Variants in RBFOX3 observed in about 807,000 individuals in gnomAD.
RBFOX3 encodes RNA binding fox-1 homolog 3.
In RBFOX3, 17 loss-of-function variants were observed where a neutral mutation model predicts 48.7. The ratio of observed to expected loss-of-function variants is 0.35; its 90% CI spans 0.24 to 0.52. The LOEUF (loss-of-function observed/expected upper bound fraction) is 0.52. RBFOX3 is among the 20% of genes least tolerant of loss of function. The pLI, the probability that RBFOX3 is intolerant of heterozygous loss-of-function variation, is 0.94. For missense variants in RBFOX3, 382 were observed against 497.5 expected (o/e 0.77, Z 2.21); for synonymous variants, 212 against 209.5 (o/e 1.01, Z -0.10).
chr17:79,559,753 A>G (rs2092074039), intron 1 of RBFOX3, among the ~76,000 whole-genome samples: 1 of 137,458 alleles, frequency 7.3e-6, no homozygotes, highest in African/African-American at 2.8e-5. Flanking sequence ...GGGTAGATGG[A>G]TGGATGGGTG....
chr17:79,325,003 G>A (rs1185928890), intron 2 of RBFOX3, among the ~76,000 whole-genome samples: 2 of 152,248 alleles, frequency 1.3e-5, no homozygotes, highest in East Asian at 3.9e-4. Context: ...AACTGCAGAA[G>A]TTTAGCGCAC....
chr17:79,320,654 G>T (rs961847968), intron 2 of RBFOX3, among the ~76,000 whole-genome samples: 8 of 152,002 alleles, frequency 5.3e-5, no homozygotes, highest in Non-Finnish European at 1.0e-4. Context: ...CCCACATTCT[G>T]TTTGGAGAGT....
intron 4 of RBFOX3, among the ~76,000 whole-genome samples, chr17:79,180,464 T>C (rs1473213356): frequency 4.6e-5 from 7 of 152,216 alleles, no homozygotes; most frequent in African/African-American, 1.7e-4. Flanking sequence ...ATGTACAGCC[T>C]ACATATGGTG....
rs375237912 is a variant in RBFOX3, at chr17:79,292,627, C to T, written c.-74+15097G>A. Among the ~76,000 whole-genome samples the T allele has an allele frequency of 6.0e-5, 9 of 151,094 alleles. No individual in the cohort carries two copies. The South Asian group carries it at 1.3e-3, about 21-fold the overall frequency. On this transcript the variant is annotated intron_variant, in intron 3 of 14. Transcript: ENST00000693108. ...ACACACACACACACATACATGCAGA[C>T]CCAGTGCACTGCCCTTAGAAGTGTT...
intron 1 of RBFOX3, among the ~76,000 whole-genome samples, chr17:79,553,061 G>T (rs2091303433): frequency 6.6e-6 from 1 of 152,214 alleles, no homozygotes; most frequent in Non-Finnish European, 1.5e-5. Context: ...AGTAGCAAGA[G>T]TAGGCATCCT....
At position 79,170,105 on chromosome 17, in the gene RBFOX3, A is replaced by G. The variant is rs547651476; in HGVS notation, c.-33-54357T>C. 2.8e-5 allele frequency among the ~76,000 whole-genome samples: 4 copies of G among 142,814 alleles called. No individual in the cohort carries two copies. In the South Asian group the frequency reaches 9.7e-4, roughly 35 times the overall value. The allele number at this position is 142,814 out of a possible 152,430, so 93.7% of individuals were successfully genotyped here. On this transcript the variant is annotated intron_variant, in intron 4 of 14. Transcript: ENST00000693108. ...GAAGGAAGGAAGGATGGAAAGCAGG[A>G]AAGGAGGAGGAAGGAAGGAAGGAAG...
chr17:79,231,363 C>A (rs1487643399), intron 4 of RBFOX3, among the ~76,000 whole-genome samples: 2 of 152,140 alleles, frequency 1.3e-5, no homozygotes, highest in African/African-American at 4.8e-5. Context: ...GTAGCTCAGT[C>A]CTCACTAGTC....
chr17:79,320,563 A>G (rs1250763244), intron 2 of RBFOX3, among the ~76,000 whole-genome samples: 1 of 152,190 alleles, frequency 6.6e-6, no homozygotes, highest in Non-Finnish European at 1.5e-5. Flanking sequence ...AACCCTGCCC[A>G]TATCTAACCA....
chr17:79,349,310 C>T (rs547142909), intron 2 of RBFOX3, among the ~76,000 whole-genome samples: 5 of 152,180 alleles, frequency 3.3e-5, no homozygotes, highest in East Asian at 3.9e-4. Flanking sequence ...TCTCACCACT[C>T]GCACTCCTCT....
At chr17:79,149,884 A>G (rs1169878503) in intron 4 of RBFOX3, among the ~76,000 whole-genome samples, 2 of 144,868 alleles carry the variant, frequency 1.4e-5, no homozygotes, top group African/African-American at 5.1e-5. Context: ...GCCTGGAGAC[A>G]GGAGGGGGAC....
chr17:79,503,029 G>T (rs1329954609), intron 1 of RBFOX3, among the ~76,000 whole-genome samples: 2 of 152,252 alleles, frequency 1.3e-5, no homozygotes, highest in African/African-American at 2.4e-5. Flanking sequence ...TCAGGGAGCA[G>T]CGTGGTCGGG....
At chr17:79,126,196 G>A (rs1393812941) in intron 4 of RBFOX3, among the ~76,000 whole-genome samples, 3 of 152,244 alleles carry the variant, frequency 2.0e-5, no homozygotes, top group East Asian at 1.9e-4. Flanking sequence ...GAACACAGAC[G>A]TGTGAAAGTC....
chr17:79,157,566 G>T (rs562230789), intron 4 of RBFOX3, among the ~76,000 whole-genome samples: 212 of 152,312 alleles, frequency 1.4e-3, no homozygotes, highest in African/African-American at 4.8e-3. Flanking sequence ...GGACCCGGGG[G>T]TGAGGTTGTA....
intron 3 of RBFOX3, among the ~76,000 whole-genome samples, chr17:79,291,569 A>G (rs4789998): frequency 0.31 from 47,257 of 152,084 alleles, 7,510 homozygotes; most frequent in Middle Eastern, 0.46. Context: ...TGTGTCATGC[A>G]TCCACCCCTT....
At chr17:79,660,849 A>G in the RBFOX3 span, among the ~76,000 whole-genome samples, 40 of 152,224 alleles carry the variant, frequency 2.6e-4, no homozygotes, top group African/African-American at 9.2e-4. Flanking sequence ...CTGCAGTACT[A>G]TTCACAATTG....
In RBFOX3 at chr17:79,271,774, T is replaced by C. The variant is rs371623044; in HGVS notation, c.-74+35950A>G. 9.9e-5 allele frequency among the ~76,000 whole-genome samples: 15 copies of C among 152,256 alleles called. No individual in the cohort carries two copies. The East Asian group carries it at 1.2e-3, about 12-fold the overall frequency. ...CTGGTCCTAAAGGGTACAGAGCCAC[T>C]GTAGAAAGTATCAGATCCCAGAGAA... On this transcript the variant is annotated intron_variant, in intron 3 of 14. Transcript: ENST00000693108.
intron 2 of RBFOX3, among the ~76,000 whole-genome samples, chr17:79,430,326 T>C (rs1473088382): frequency 6.7e-6 from 1 of 149,728 alleles, no homozygotes; most frequent in Non-Finnish European, 1.5e-5. Context: ...AGAAAAAAAG[T>C]AGAAAATAGA....
intron 1 of RBFOX3, among the ~76,000 whole-genome samples, chr17:79,505,501 C>T (rs2082976462): frequency 6.6e-6 from 1 of 152,202 alleles, no homozygotes; most frequent in Non-Finnish European, 1.5e-5. Context: ...CCTGTCCCAC[C>T]TCCCCAGCTC....
chr17:79,289,453 C>T (rs2072777232), intron 3 of RBFOX3, among the ~76,000 whole-genome samples: 1 of 152,274 alleles, frequency 6.6e-6, no homozygotes, highest in African/African-American at 2.4e-5. Context: ...CAGTCCCCAT[C>T]AAGCCCTTGA....
Sources: gnomAD v4.1 joint callset for allele counts (sites outside exome capture counted in the v4.1 genomes callset) on GRCh38, gnomAD v4.1.1 for gene constraint, MANE v1.5 for transcripts, NCBI Gene and HGNC (gene_info 2026-07-23, HGNC 2026-07-21) for gene names.